MSRA: variants seen among roughly 807,000 people sequenced by gnomAD.
MSRA encodes the protein mitochondrial peptide methionine sulfoxide reductase.
In MSRA, 54 loss-of-function variants were observed where a neutral mutation model predicts 31.3. The observed-to-expected ratio is 1.73, with a 90% CI of 1.39 to 2.17. The LOEUF (loss-of-function observed/expected upper bound fraction) is 2.17, where lower values mean the gene tolerates loss of function less well. Among genes scored for constraint, MSRA ranks in the 30% most tolerant of loss-of-function variants. The pLI, the probability that MSRA is intolerant of heterozygous loss-of-function variation, is 0.00. For missense variants in MSRA, 507 were observed against 300.9 expected (o/e 1.69, Z -5.07); for synonymous variants, 169 against 116.5 (o/e 1.45, Z -2.90).
chr8:10,192,370 G>A (rs1245789607), intron 1 of MSRA, among the ~76,000 whole-genome samples: 3 of 152,176 alleles, frequency 2.0e-5, no homozygotes, highest in Non-Finnish European at 2.9e-5. Context: ...GCGGTAGAGT[G>A]GATCCTCCCC....
chr8:10,176,831 A>G (rs891634194), intron 1 of MSRA, among the ~76,000 whole-genome samples: 2 of 152,196 alleles, frequency 1.3e-5, no homozygotes, highest in Non-Finnish European at 2.9e-5. Context: ...TTACAACTGG[A>G]ACTTCTGGTC....
intron 1 of MSRA, among the ~76,000 whole-genome samples, chr8:10,136,731 G>T (rs957579642): frequency 6.6e-6 from 1 of 152,188 alleles, no homozygotes; most frequent in Admixed American, 6.5e-5. Flanking sequence ...GCCCACTCGG[G>T]GTCAGGGGTT....
chr8:10,340,005 T>C lies in MSRA; in HGVS notation c.543+20016T>C, dbSNP rs1803321257. On this transcript the variant is annotated intron_variant, in intron 5 of 5. Transcript: ENST00000317173. ...CCCAAGGCAGCTGCCCTAGCTGCCTTGTGTGTGTCTACAATGATAGAGCTA... is the reference window on the plus strand; with the variant it reads ...CCCAAGGCAGCTGCCCTAGCTGCCTCGTGTGTGTCTACAATGATAGAGCTA... Among the ~76,000 whole-genome samples, 4 of 152,240 alleles carry C rather than the reference T, an allele frequency of 2.6e-5. No homozygotes were observed. In the South Asian group the frequency reaches 8.3e-4, roughly 32 times the overall value.
At chr8:10,222,503 C>A (rs889573119) in intron 2 of MSRA, among the ~76,000 whole-genome samples, 2 of 152,156 alleles carry the variant, frequency 1.3e-5, no homozygotes, top group African/African-American at 4.8e-5. Context: ...TCTACTTCTT[C>A]ATATCTAAAG....
chr8:10,307,179 T>G (rs2129129150), intron 4 of MSRA, among the ~76,000 whole-genome samples: 1 of 151,986 alleles, frequency 6.6e-6, no homozygotes, highest in South Asian at 2.1e-4. Context: ...ATTTTTTTTT[T>G]TTTTTTTGAG....
chr8:10,126,216 C>T (rs17151149), intron 1 of MSRA, among the ~76,000 whole-genome samples: 4,405 of 152,260 alleles, frequency 0.029, 195 homozygotes, highest in Admixed American at 0.11. Flanking sequence ...TGAAGCCAGA[C>T]AACGTGAAAG....
intron 4 of MSRA, among the ~76,000 whole-genome samples, chr8:10,307,744 C>T (rs556871504): frequency 2.6e-4 from 40 of 152,280 alleles, no homozygotes; most frequent in South Asian, 8.3e-4. Context: ...GAAACTGCTC[C>T]GGTATACTCC....
intron 5 of MSRA, among the ~76,000 whole-genome samples, chr8:10,340,980 A>G (rs1803392280): frequency 6.6e-6 from 1 of 152,196 alleles, no homozygotes; most frequent in Non-Finnish European, 1.5e-5. Context: ...ACAGCCTCCA[A>G]CATGAAGTAA....
At chr8:10,269,259 A>G (rs1798904565) in intron 3 of MSRA, among the ~76,000 whole-genome samples, 1 of 152,262 alleles carries the variant, frequency 6.6e-6, no homozygotes, top group Admixed American at 6.5e-5. Context: ...AGTTTTCTGA[A>G]TCATTTAAGT....
At chr8:10,410,900 C>T (rs1426033019) in intron 5 of MSRA, among the ~76,000 whole-genome samples, 1 of 152,132 alleles carries the variant, frequency 6.6e-6, no homozygotes, top group East Asian at 1.9e-4. Flanking sequence ...TGGTTCTGAG[C>T]CTGACAAAAA....
At chr8:10,180,677 C>T (rs1169483204) in intron 1 of MSRA, among the ~76,000 whole-genome samples, 1 of 152,178 alleles carries the variant, frequency 6.6e-6, no homozygotes, top group Non-Finnish European at 1.5e-5. Context: ...GTACCAGGAA[C>T]CAGAGGCAGA....
chr8:10,316,581 C>T (rs1022352468), intron 4 of MSRA, among the ~76,000 whole-genome samples: 3 of 137,440 alleles, frequency 2.2e-5, no homozygotes, highest in Non-Finnish European at 4.8e-5. Flanking sequence ...TCTCCTTCCT[C>T]CTCCTCTTCT....
intron 3 of MSRA, among the ~76,000 whole-genome samples, chr8:10,267,455 A>T (rs2129097875): frequency 6.6e-6 from 1 of 152,172 alleles, no homozygotes; most frequent in South Asian, 2.1e-4. Flanking sequence ...TGTCCTTATA[A>T]TTATTCCAGG....
At position 10,106,418 on chromosome 8, in the gene MSRA, G is replaced by A. The variant is rs146250360; in HGVS notation, c.142+51760G>A. The stretch of plus-strand genomic sequence containing the variant: ...GAATCAGCATTTGGCTCCAGTCACC[G>A]TCTCTGCACCATTCCTCTACTGTTT... On this transcript the variant is annotated intron_variant, in intron 1 of 5. Transcript: ENST00000317173. Among the ~76,000 whole-genome samples, 652 of 152,212 alleles carry A rather than the reference G, an allele frequency of 4.3e-3. 5 individuals carry two copies. Among genetic ancestry groups the A allele is most frequent in the African/African-American group, 0.015 (609 of 41,520 alleles).
chr8:10,301,317 G>T (rs938783723), intron 3 of MSRA, among the ~76,000 whole-genome samples: 1 of 152,082 alleles, frequency 6.6e-6, no homozygotes, highest in African/African-American at 2.4e-5. Flanking sequence ...AGAAGTCATC[G>T]CAGCAAGCTC....
intron 5 of MSRA, among the ~76,000 whole-genome samples, chr8:10,367,188 G>C (rs1372892462): frequency 6.6e-6 from 1 of 152,114 alleles, no homozygotes; most frequent in Non-Finnish European, 1.5e-5. Flanking sequence ...CTGCCTATCT[G>C]TTAGTCACTT....
intron 1 of MSRA, among the ~76,000 whole-genome samples, chr8:10,075,860 A>T (rs577708218): frequency 2.0e-5 from 3 of 152,286 alleles, no homozygotes; most frequent in South Asian, 2.1e-4. Context: ...TCTTTTCCTA[A>T]TACCAAGATA....
intron 1 of MSRA, among the ~76,000 whole-genome samples, chr8:10,177,129 G>C (rs1806119056): frequency 1.3e-5 from 2 of 152,206 alleles, no homozygotes; most frequent in African/African-American, 4.8e-5. Flanking sequence ...GCAAATGGTA[G>C]ATGTATTGAG....
At chr8:10,155,570 C>A (rs186133094) in intron 1 of MSRA, among the ~76,000 whole-genome samples, 35 of 152,276 alleles carry the variant, frequency 2.3e-4, no homozygotes, top group Non-Finnish European at 4.4e-4. Context: ...ATTTCTCTTT[C>A]CACTAGAAGA....
Sources: allele counts gnomAD v4.1 joint callset (sites outside exome capture counted in the v4.1 genomes callset), GRCh38; gene constraint gnomAD v4.1.1; transcripts MANE v1.5; gene names NCBI Gene and HGNC (gene_info 2026-07-23, HGNC 2026-07-21).